AGO2: variants seen among roughly 807,000 people sequenced by gnomAD.
The protein encoded by AGO2 is argonaute RISC catalytic component 2.
Under a neutral mutation model 102.3 loss-of-function variants are expected in AGO2, and 5 were observed. The ratio of observed to expected loss-of-function variants is 0.05; its 90% CI spans 0.03 to 0.10. The LOEUF (loss-of-function observed/expected upper bound fraction) is 0.10, where lower values mean the gene tolerates loss of function less well. Ranked by LOEUF, AGO2 falls within the 10% of genes least tolerant of loss-of-function variation. The pLI is 1.00. For missense variants in AGO2, 541 were observed against 1,183.7 expected (o/e 0.46, Z 7.97); for synonymous variants, 449 against 473.1 (o/e 0.95, Z 0.66).
At chr8:140,566,644 CAGTT>C (rs1228148075) in intron 3 of AGO2, among the ~76,000 whole-genome samples, 2 of 148,350 alleles carry the variant, frequency 1.3e-5, no homozygotes, top group African/African-American at 5.0e-5. Context: ...GTCCCGCTCT[CAGTT>C]AAAGAAACAG....
chr8:140,638,992 C>T (rs997549419), upstream of AGO2, among the ~76,000 whole-genome samples: 2 of 152,152 alleles, frequency 1.3e-5, no homozygotes, highest in African/African-American at 4.8e-5. Flanking sequence ...ATCCTCCTAC[C>T]TCAGCCTCCC....
rs571266391 is a variant in AGO2 at position 140,557,016 on chromosome 8, C to T, written c.1026+73G>A. 85 of 1,535,152 alleles carry T rather than the reference C, an allele frequency of 5.5e-5. No individual in the cohort carries two copies. Among genetic ancestry groups the T allele is most frequent in the Non-Finnish European group, 6.7e-5 (76 of 1,138,902 alleles). On this transcript the variant is annotated intron_variant, in intron 8 of 18. Transcript: ENST00000220592. The surrounding 1 kb of genome is among the most constrained non-coding windows in gnomAD (Gnocchi z 5.9). ...TCTGACTGGGGCCTCGGCGGTTTCT[C>T]GAAGCTGCATGCCCCAGCCTGGGAC...
intron 1 of AGO2, among the ~76,000 whole-genome samples, chr8:140,630,850 T>A (rs1487132813): frequency 2.0e-5 from 3 of 152,192 alleles, no homozygotes; most frequent in African/African-American, 7.2e-5. Flanking sequence ...CCCAACACTC[T>A]GCGTAACAGC....
At chr8:140,541,518 T>TA in intron 14 of AGO2, 160 bp from the exon 15 acceptor site, 1 of 652,646 alleles carries the variant, frequency 1.5e-6, no homozygotes, top group Non-Finnish European at 2.5e-6. Context: ...ACTCAGCCTT[T>TA]AGGCTTTTGG....
intron 5 of AGO2, 117 bp from the exon 6 acceptor site, chr8:140,559,646 G>T: frequency 1.5e-6 from 2 of 1,372,246 alleles, no homozygotes; most frequent in East Asian, 2.3e-5. Context: ...CCCGGCCGGG[G>T]TTCTCACTCC....
chr8:140,614,409 C>G (rs912019855), intron 1 of AGO2, among the ~76,000 whole-genome samples: 4 of 152,244 alleles, frequency 2.6e-5, no homozygotes, highest in Admixed American at 2.6e-4. Flanking sequence ...TAAACCAATT[C>G]TTTAATGAAA....
chr8:140,536,963 C>T (rs953378996), intron 16 of AGO2, among the ~76,000 whole-genome samples: 2 of 152,184 alleles, frequency 1.3e-5, no homozygotes, highest in African/African-American at 4.8e-5. Flanking sequence ...AATCTACAGA[C>T]GGCACTGTTT....
At chr8:140,576,954 T>A (rs1369026801) in intron 2 of AGO2, among the ~76,000 whole-genome samples, 1 of 152,048 alleles carries the variant, frequency 6.6e-6, no homozygotes, top group East Asian at 1.9e-4. Flanking sequence ...ACACCTGTAA[T>A]CCCAACACTT....
At chr8:140,625,984 C>T (rs747795424) in intron 1 of AGO2, among the ~76,000 whole-genome samples, 35 of 152,356 alleles carry the variant, frequency 2.3e-4, no homozygotes, top group Non-Finnish European at 2.2e-4. Flanking sequence ...AGCAGCAGCA[C>T]GCACAGGGAC....
intron 3 of AGO2, among the ~76,000 whole-genome samples, chr8:140,565,386 C>T (rs1209460193): frequency 6.0e-5 from 9 of 150,924 alleles, no homozygotes; most frequent in African/African-American, 2.2e-4. Context: ...TTGCAGTGAG[C>T]CGAGATCGCG....
intron 13 of AGO2, among the ~76,000 whole-genome samples, chr8:140,545,877 C>T (rs2072890988): frequency 6.6e-6 from 1 of 152,170 alleles, no homozygotes; most frequent in South Asian, 2.1e-4. Context: ...ACGGCCCCAG[C>T]TCACCCCAGC....
chr8:140,557,020 G>A lies in AGO2; in HGVS notation c.1026+69C>T, dbSNP rs547686364. 1.3e-6 allele frequency: 2 copies of A among 1,538,818 alleles called. No homozygotes were observed. The highest frequency in any genetic ancestry group is 4.6e-5 in the East Asian group (2 of 43,848). The stretch of plus-strand genomic sequence containing the variant: ...ACTGGGGCCTCGGCGGTTTCTCGAA[G>A]CTGCATGCCCCAGCCTGGGACGCCG... On this transcript the variant is annotated intron_variant, in intron 8 of 18. Transcript: ENST00000220592. This position sits in a 1 kb window ranked among gnomAD's most constrained non-coding sequence, Gnocchi z 5.9.
Position 140,635,566 on chromosome 8 carries a change from G to C in AGO2, c.-60C>G. The C allele has an allele frequency of 1.0e-6, 1 of 973,140 alleles. No individual in the cohort carries two copies. The highest frequency in any genetic ancestry group is 1.2e-6 in the Non-Finnish European group (1 of 821,952). The allele number at this position is 973,140 out of a possible 1,614,324, so 60.3% of individuals were successfully genotyped here. ...CGGCCGCGCGCGCGCCACGGGCCCC[G>C]ACGCCGCGAGCCGCGAGGGAGCCGC... On this transcript the variant is annotated 5_prime_UTR_variant, in exon 1 of 19. Coordinates refer to ENST00000220592, the MANE Select transcript of AGO2 (RefSeq NM_012154.5).
chr8:140,581,117 T>C (rs907055488), intron 2 of AGO2, among the ~76,000 whole-genome samples: 1 of 152,178 alleles, frequency 6.6e-6, no homozygotes, highest in African/African-American at 2.4e-5. Context: ...GCCCAGAAAA[T>C]GTGGGCCAGG....
chr8:140,524,276 C>T lies in AGO2; in HGVS notation c.*7768G>A, dbSNP rs1390733422. 2 of 152,198 alleles carry T rather than the reference C, an allele frequency of 1.3e-5. No individual in the cohort carries two copies. Among genetic ancestry groups the T allele is most frequent in the Non-Finnish European group, 2.9e-5 (2 of 68,048 alleles). 9.4% of individuals were successfully genotyped at this position (152,198 alleles called of 1,614,324 possible). On this transcript the variant is annotated 3_prime_UTR_variant, in exon 19 of 19. Transcript: ENST00000220592. ...CTTCCATTACAATAAATATTCTTCT[C>T]GAGTGACTATGAGAACAAGACCACC...
chr8:140,542,237 G>A (rs918099276), intron 14 of AGO2, among the ~76,000 whole-genome samples: 2 of 152,116 alleles, frequency 1.3e-5, no homozygotes, highest in African/African-American at 2.4e-5. Flanking sequence ...CTCTGGCTGC[G>A]GAAGGAAAGG....
chr8:140,581,727 C>T (rs1382832132), intron 2 of AGO2, among the ~76,000 whole-genome samples: 1 of 152,170 alleles, frequency 6.6e-6, no homozygotes, highest in Non-Finnish European at 1.5e-5. Flanking sequence ...CCCAGTGGTG[C>T]ACATAGTTTT....
chr8:140,597,382 C>A (rs1340260184), intron 1 of AGO2, among the ~76,000 whole-genome samples: 8 of 152,088 alleles, frequency 5.3e-5, no homozygotes, highest in Non-Finnish European at 7.4e-5. Flanking sequence ...GTGCTCACAC[C>A]CAGCTGGAGT....
rs758897861 is a variant in AGO2, at chr8:140,562,497, C to G, written c.474G>C (p.Thr158=). ...SGRLPSVPFE[T]IQALDVVMRH... is the part of the protein sequence containing the mutation. ...TCATGACCACGTCCAGGGCCTGGAT[C>G]GTCTCAAAAGGGACGCTGGGCAGCC... Residue 158 remains threonine (T), a synonymous_variant, in exon 4 of 19, where the codon ACG becomes ACC. Transcript: ENST00000220592. The G allele has an allele frequency of 5.0e-6, 8 of 1,613,672 alleles. No individual in the cohort carries two copies. The highest frequency in any genetic ancestry group is 6.8e-6 in the Non-Finnish European group (8 of 1,180,014).
Sources: gnomAD v4.1 joint callset for allele counts (sites outside exome capture counted in the v4.1 genomes callset) on GRCh38, gnomAD v4.1.1 for gene constraint, Gnocchi (gnomAD v3.1) non-coding constraint, MANE v1.5 for transcripts, NCBI Gene and HGNC (gene_info 2026-07-23, HGNC 2026-07-21) for gene names.